Variants in VASH2 observed in about 807,000 individuals in gnomAD.
VASH2 encodes the protein tubulinyl-Tyr carboxypeptidase 2.
Under a neutral mutation model 37.2 loss-of-function variants are expected in VASH2, and 28 were observed. That is an observed-to-expected ratio of 0.75 (90% CI 0.56 to 1.03). VASH2 has a LOEUF of 1.03. VASH2 is among the 50% of genes least tolerant of loss of function. VASH2 has a pLI of 0.00. For synonymous variants in VASH2, 188 were observed against 174.7 expected, an observed-to-expected ratio of 1.08 and a Z score of -0.60; for missense variants, 419 against 459.1, an observed-to-expected ratio of 0.91 and a Z score of 0.80.
At chr1:212,966,453 T>G in intron 5 of VASH2, 108 bp downstream of exon 5, 6 of 923,546 alleles carry the variant, frequency 6.5e-6, no homozygotes, top group Non-Finnish European at 1.0e-5. Context: ...GCCCATTATC[T>G]CCTTTGAGGA....
intron 7 of VASH2, among the ~76,000 whole-genome samples, chr1:212,977,824 G>T (rs1667223627): frequency 6.6e-6 from 1 of 152,166 alleles, no homozygotes; most frequent in Admixed American, 6.5e-5. Flanking sequence ...CCTGAGAACT[G>T]GTGTTTCTAA....
In VASH2 at chr1:212,971,113, C is replaced by T. The variant is rs1344093611; in HGVS notation, c.498-1467C>T. 6.6e-6 allele frequency among the ~76,000 whole-genome samples: 1 copy of T among 152,188 alleles called. No homozygotes were observed. The highest frequency in any genetic ancestry group is 1.5e-5 in the Non-Finnish European group (1 of 68,028). On this transcript the variant is annotated intron_variant, in intron 5 of 7. Coordinates refer to ENST00000517399, the MANE Select transcript of VASH2 (RefSeq NM_001301056.2). This position sits in a 1 kb window ranked among gnomAD's most constrained non-coding sequence, Gnocchi z 4.0. Reference sequence around the variant, plus strand: ...CAGCATGTCTTCAAGGCTCATTCTGCACATTGCAGAATTTCCCTCCCTTAT... The same window carrying T: ...CAGCATGTCTTCAAGGCTCATTCTGTACATTGCAGAATTTCCCTCCCTTAT...
chr1:212,973,035 A>C (rs1667060113), intron 6 of VASH2, 74 bp downstream of exon 6: 11 of 1,539,774 alleles, frequency 7.1e-6, no homozygotes, highest in Middle Eastern at 4.7e-4. Flanking sequence ...CTCTTGCTCC[A>C]GGCCTCATTT....
At chr1:212,975,107 AG>A (rs1447023256) in intron 7 of VASH2, among the ~76,000 whole-genome samples, 1 of 152,230 alleles carries the variant, frequency 6.6e-6, no homozygotes, top group African/African-American at 2.4e-5. Context: ...GGACACAAAA[AG>A]GGCTTGTTAT....
chr1:212,964,726 G>A (rs1033391903), intron 3 of VASH2, among the ~76,000 whole-genome samples: 28 of 152,058 alleles, frequency 1.8e-4, no homozygotes, highest in Admixed American at 1.7e-3. Flanking sequence ...GAGTCTATGC[G>A]CTACTGCAAA....
Position 212,951,646 on chromosome 1 carries a change from G to C in VASH2, c.104G>C (p.Ser35Thr). ...GCGCGGCCCGTGAGCCTCGCCACCA[G>C]CGGGGGCTCAGAGGAGGAGGACAAA... ...SHARPVSLAT[S>T]GGSEEEDKDG... Residue 35 changes from serine (S) to threonine (T), a missense_variant, in exon 2 of 8, where the codon AGC becomes ACC. Ser to Thr is a moderately conservative substitution (Grantham distance 58, BLOSUM62 1). Around this residue, in one of 3 missense-constraint regions of VASH2, gnomAD observed 158 missense variants for 163.0 expected, o/e 0.97. Coordinates refer to ENST00000517399, the MANE Select transcript of VASH2 (RefSeq NM_001301056.2). This position sits in a 1 kb window ranked among gnomAD's most constrained non-coding sequence, Gnocchi z 4.4. 1 of 1,584,340 alleles carries C rather than the reference G, an allele frequency of 6.3e-7. No homozygotes were observed. Among genetic ancestry groups the C allele is most frequent in the Non-Finnish European group, 8.6e-7 (1 of 1,166,082 alleles).
intron 3 of VASH2, among the ~76,000 whole-genome samples, chr1:212,964,754 C>T (rs1666787707): frequency 6.6e-6 from 1 of 152,188 alleles, no homozygotes; most frequent in Non-Finnish European, 1.5e-5. Flanking sequence ...TGCTAACAAT[C>T]CACCCTTTCA....
chr1:212,959,891 G>T (rs1187956961), intron 2 of VASH2, among the ~76,000 whole-genome samples: 1 of 152,208 alleles, frequency 6.6e-6, no homozygotes, highest in Admixed American at 6.5e-5. Flanking sequence ...GGCCCTTTCT[G>T]CTTCTCCTTA....
In VASH2 at chr1:212,951,724, A is replaced by C. The variant is rs774571991; in HGVS notation, c.182A>C (p.His61Pro). The C allele has an allele frequency of 6.2e-7, 1 of 1,605,836 alleles. No homozygotes were observed. Among genetic ancestry groups the C allele is most frequent in the Non-Finnish European group, 8.5e-7 (1 of 1,177,398 alleles). ...AAGAGCGGCTTCCCCATCGACAGCC[A>C]CACCTGGGAGCGCATGTGGATGCAC... ...VNKSGFPIDSHTWERMWMHVA... is the reference protein window; with the variant it reads ...VNKSGFPIDSPTWERMWMHVA... The change falls in exon 2 of 8, where the codon CAC becomes CCC. Residue 61 changes from histidine to proline, a missense_variant. Physicochemically the swap from His to Pro is moderately conservative, Grantham distance 77. Coordinates refer to ENST00000517399, the MANE Select transcript of VASH2 (RefSeq NM_001301056.2). This position sits in a 1 kb window ranked among gnomAD's most constrained non-coding sequence, Gnocchi z 4.4.
intron 2 of VASH2, among the ~76,000 whole-genome samples, chr1:212,953,231 G>GGC (rs779849011): frequency 2.3e-5 from 2 of 85,628 alleles, no homozygotes; most frequent in African/African-American, 8.9e-5. Flanking sequence ...GCGGGTGCGC[G>GGC]GGGGGGGGTG....
intron 7 of VASH2, among the ~76,000 whole-genome samples, chr1:212,985,198 C>CTTTTT (rs55804989): frequency 2.0e-3 from 203 of 100,796 alleles, no homozygotes; most frequent in East Asian, 5.2e-3. Flanking sequence ...ATTTTTTTTG[C>CTTTTT]TTTTTTTTTT....
rs1666325937 is a variant in VASH2 at position 212,951,953 on chromosome 1, T to C, written c.276+135T>C. The C allele has an allele frequency of 2.8e-6, 3 of 1,087,224 alleles. No individual in the cohort carries two copies. Among genetic ancestry groups the C allele is most frequent in the African/African-American group, 1.6e-5 (1 of 63,386 alleles). 67.3% of individuals were successfully genotyped at this position (1,087,224 alleles called of 1,614,324 possible). On this transcript the variant is annotated intron_variant, in intron 2 of 7. Transcript: ENST00000517399. This position sits in a 1 kb window ranked among gnomAD's most constrained non-coding sequence, Gnocchi z 4.4. ...CTACAAACTCCCTTCCTCTCCCCAT[T>C]CCTTCCTGCCAGCCCTTTTCTAATT...
intron 7 of VASH2, among the ~76,000 whole-genome samples, chr1:212,979,628 C>T (rs1217090817): frequency 1.3e-5 from 2 of 152,134 alleles, no homozygotes; most frequent in Admixed American, 6.5e-5. Context: ...TAATCCCTTT[C>T]GAGAGGAGGA....
chr1:212,956,573 C>A (rs1375988759), intron 2 of VASH2, among the ~76,000 whole-genome samples: 1 of 152,136 alleles, frequency 6.6e-6, no homozygotes, highest in Non-Finnish European at 1.5e-5. Flanking sequence ...TGAGGAGGGA[C>A]CCCAGTCACG....
intron 5 of VASH2, chr1:212,967,434 G>A (rs1471189384): frequency 8.5e-7 from 1 of 1,178,276 alleles, no homozygotes; most frequent in Non-Finnish European, 1.1e-6. Context: ...ATGGCTGTAA[G>A]GGACAGTGGA....
chr1:212,978,318 T>C (rs1246235436), intron 7 of VASH2, among the ~76,000 whole-genome samples: 1 of 152,208 alleles, frequency 6.6e-6, no homozygotes, highest in Non-Finnish European at 1.5e-5. Context: ...GTGAAAGCTA[T>C]CTACTCTCCC....
intron 2 of VASH2, among the ~76,000 whole-genome samples, chr1:212,958,499 T>C (rs1489490315): frequency 6.6e-6 from 1 of 152,198 alleles, no homozygotes; most frequent in African/African-American, 2.4e-5. Flanking sequence ...CATCCAGCTC[T>C]TGTGGGCTCT....
chr1:212,968,266 A>G, intron 5 of VASH2: 1 of 985,418 alleles, frequency 1.0e-6, no homozygotes, highest in Non-Finnish European at 1.2e-6. Context: ...AAAAGATCAA[A>G]GATGAAATCA....
chr1:212,968,376 C>T, intron 5 of VASH2: 1 of 985,420 alleles, frequency 1.0e-6, no homozygotes, highest in Non-Finnish European at 1.2e-6. Flanking sequence ...ATGGAGAGGT[C>T]AGTGGAAGGA....
Sources: gnomAD v4.1 joint callset for allele counts (sites outside exome capture counted in the v4.1 genomes callset) on GRCh38, gnomAD v4.1.1 for gene constraint, gnomAD v4.1.1 regional missense constraint, Gnocchi (gnomAD v3.1) non-coding constraint, MANE v1.5 for transcripts, NCBI Gene and HGNC (gene_info 2026-07-23, HGNC 2026-07-21) for gene names.